The following SDK1 variants were observed in gnomAD, a reference collection of about 807,000 sequenced individuals.
SDK1 encodes the protein sidekick cell adhesion molecule 1.
In SDK1, 157 loss-of-function variants were observed where a neutral mutation model predicts 245.5. The observed-to-expected ratio is 0.64, with a 90% CI of 0.56 to 0.73. SDK1 has a LOEUF of 0.73. SDK1 is among the 30% of genes least tolerant of loss of function. SDK1 has a pLI of 0.00. For synonymous variants in SDK1, 1,647 were observed against 1,278.5 expected (o/e 1.29, Z -6.15); for missense variants, 3,583 against 3,002.3 (o/e 1.19, Z -4.52).
At position 3,957,978 on chromosome 7, in the gene SDK1, C is replaced by T. The variant is rs555243424; in HGVS notation, c.1151-953C>T. ...TTGCCTCCTTCCAGAAACCTTCAGC[C>T]GCTTCCCCCTTAATCGTTTCTTTGA... is the stretch of plus-strand genomic sequence containing the variant. On this transcript the variant is annotated intron_variant, in intron 7 of 44. Transcript: ENST00000404826. 215 of 470,826 alleles carry T rather than the reference C, an allele frequency of 4.6e-4. 2 individuals are homozygous for T. The highest frequency in any genetic ancestry group is 1.8e-3 in the South Asian group (115 of 64,532). The allele number at this position is 470,826 out of a possible 1,614,324, so 29.2% of individuals were successfully genotyped here. A position where few individuals can be genotyped will look rare whatever the true frequency, so the allele number is the denominator to read the frequency against.
intron 17 of SDK1, among the ~76,000 whole-genome samples, chr7:4,027,942 G>A (rs730771): frequency 0.049 from 7,426 of 151,340 alleles, 254 homozygotes; most frequent in Middle Eastern, 0.096. Flanking sequence ...TAGAATAAAA[G>A]CAACAAGCAG....
chr7:3,699,429 A>G (rs1395659202), intron 4 of SDK1, among the ~76,000 whole-genome samples: 2 of 152,244 alleles, frequency 1.3e-5, no homozygotes, highest in Non-Finnish European at 2.9e-5. Flanking sequence ...AGTCTCAGCA[A>G]AGAAATAGAA....
intron 4 of SDK1, among the ~76,000 whole-genome samples, chr7:3,802,248 T>G (rs1779125670): frequency 6.6e-6 from 1 of 152,126 alleles, no homozygotes; most frequent in Non-Finnish European, 1.5e-5. Flanking sequence ...AATACAGTGC[T>G]GGGCTGGTCT....
At chr7:4,027,821 T>C (rs1324726854) in intron 17 of SDK1, among the ~76,000 whole-genome samples, 2 of 152,104 alleles carry the variant, frequency 1.3e-5, no homozygotes, top group South Asian at 2.1e-4. Flanking sequence ...ACAGACTCTG[T>C]GGGCTTTAAC....
At chr7:3,414,549 T>C (rs549489331) in intron 1 of SDK1, among the ~76,000 whole-genome samples, 6 of 152,328 alleles carry the variant, frequency 3.9e-5, no homozygotes, top group South Asian at 4.2e-4. Context: ...GGCAAATTTA[T>C]GGAACTGTGA....
At chr7:3,601,022 TC>T (rs1289441946) in intron 1 of SDK1, among the ~76,000 whole-genome samples, 1 of 152,198 alleles carries the variant, frequency 6.6e-6, no homozygotes, top group African/African-American at 2.4e-5. Context: ...GTAGATTCTT[TC>T]TTTTTTTGTT....
rs867094180 is a variant in SDK1, at chr7:3,631,844, T to C, written c.459-7160T>C. On this transcript the variant is annotated intron_variant, in intron 2 of 44. Transcript: ENST00000404826. ...CCAAACTACTCTGTAACATAATTCA[T>C]TGTTGACAAATACTCCCGAGTGAGA... Among the ~76,000 whole-genome samples, 8 of 152,238 alleles carry C rather than the reference T, an allele frequency of 5.3e-5. No homozygotes were observed. In the South Asian group the frequency reaches 1.4e-3, roughly 28 times the overall value.
intron 35 of SDK1, among the ~76,000 whole-genome samples, chr7:4,196,036 C>T (rs1410316505): frequency 6.6e-6 from 1 of 152,198 alleles, no homozygotes; most frequent in Non-Finnish European, 1.5e-5. Context: ...TCCCTCAAAG[C>T]TTACCACCCT....
At chr7:3,462,247 T>C (rs2128595226) in intron 1 of SDK1, among the ~76,000 whole-genome samples, 1 of 152,286 alleles carries the variant, frequency 6.6e-6, no homozygotes, top group African/African-American at 2.4e-5. Context: ...CTCTATCGTT[T>C]TGAAATACCT....
At chr7:3,400,119 C>T (rs1778848190) in intron 1 of SDK1, among the ~76,000 whole-genome samples, 2 of 151,794 alleles carry the variant, frequency 1.3e-5, no homozygotes, top group African/African-American at 2.4e-5. Context: ...GGTCTGCTCC[C>T]TCTGGTGGCT....
At chr7:4,230,578 G>A (rs1199479858) in intron 40 of SDK1, among the ~76,000 whole-genome samples, 2 of 151,780 alleles carry the variant, frequency 1.3e-5, no homozygotes, top group Admixed American at 6.6e-5. Context: ...ATGAATGGAT[G>A]GATAATGAAT....
intron 1 of SDK1, among the ~76,000 whole-genome samples, chr7:3,586,455 T>C (rs1464132889): frequency 6.6e-6 from 1 of 150,818 alleles, no homozygotes; most frequent in African/African-American, 2.4e-5. Flanking sequence ...CCCAGCACTT[T>C]GGGAGGCCGA....
rs539482241 is a variant in SDK1, at chr7:4,096,850, G to A, written c.3325-13813G>A. Among the ~76,000 whole-genome samples, 20 of 152,228 alleles carry A rather than the reference G, an allele frequency of 1.3e-4. 1 individual carries two copies. The highest frequency in any genetic ancestry group is 2.6e-4 in the Admixed American group (4 of 15,296). ...GGACACTGAAACCCCCACGGGGGTCGCTGTGGTCAGAGAACCCAGGTCTGC... is the reference window on the plus strand; with the variant it reads ...GGACACTGAAACCCCCACGGGGGTCACTGTGGTCAGAGAACCCAGGTCTGC... On this transcript the variant is annotated intron_variant, in intron 22 of 44. Coordinates refer to ENST00000404826, the MANE Select transcript of SDK1 (RefSeq NM_152744.4).
At chr7:4,192,144 G>C (rs952936040) in intron 35 of SDK1, among the ~76,000 whole-genome samples, 20 of 152,360 alleles carry the variant, frequency 1.3e-4, no homozygotes, top group Non-Finnish European at 1.0e-4. Context: ...GTTGGCCTTA[G>C]TGTGCTTCGT....
At chr7:3,590,222 A>G (rs1052540407) in intron 1 of SDK1, among the ~76,000 whole-genome samples, 2 of 151,286 alleles carry the variant, frequency 1.3e-5, no homozygotes, top group Non-Finnish European at 2.9e-5. Context: ...TGTTACGGAT[A>G]CTGGAGCAGA....
chr7:3,810,863 C>T (rs1187033945), intron 4 of SDK1, among the ~76,000 whole-genome samples: 5 of 152,136 alleles, frequency 3.3e-5, no homozygotes, highest in African/African-American at 1.2e-4. Flanking sequence ...TGTTTCTAGG[C>T]CTCTTTGCTA....
At chr7:3,662,652 A>G (rs1005571412) in intron 4 of SDK1, among the ~76,000 whole-genome samples, 1 of 152,200 alleles carries the variant, frequency 6.6e-6, no homozygotes, top group Admixed American at 6.5e-5. Flanking sequence ...CAGCAACAAC[A>G]GATGTTTCGG....
intron 17 of SDK1, among the ~76,000 whole-genome samples, chr7:4,048,965 G>A (rs567657483): frequency 1.3e-5 from 2 of 152,232 alleles, no homozygotes; most frequent in Non-Finnish European, 2.9e-5. Flanking sequence ...TTGAAACATA[G>A]TGGTATATAT....
At chr7:4,133,865 G>A (rs193113242) in intron 28 of SDK1, among the ~76,000 whole-genome samples, 6 of 152,234 alleles carry the variant, frequency 3.9e-5, no homozygotes, top group Admixed American at 2.0e-4. Flanking sequence ...GGTGATTTAC[G>A]GTAAAGTTAT....
Sources: allele counts gnomAD v4.1 joint callset (sites outside exome capture counted in the v4.1 genomes callset), GRCh38; gene constraint gnomAD v4.1.1; transcripts MANE v1.5; gene names NCBI Gene and HGNC (gene_info 2026-07-23, HGNC 2026-07-21).